PLCXD3: variants seen among roughly 807,000 people sequenced by gnomAD.
PLCXD3 encodes PI-PLC X domain-containing protein 3.
A neutral mutation model predicts 25.5 loss-of-function variants in PLCXD3; 19 were observed. That is an observed-to-expected ratio of 0.75 (90% CI 0.52 to 1.09). PLCXD3 has a LOEUF of 1.09. PLCXD3 is among the 50% of genes least tolerant of loss of function. The pLI, the probability that PLCXD3 is intolerant of heterozygous loss-of-function variation, is 0.00. For missense variants in PLCXD3, 411 were observed against 388.1 expected (o/e 1.06, Z -0.50); for synonymous variants, 174 against 137.6 (o/e 1.26, Z -1.85).
At chr5:41,457,597 G>A (rs1156969446) in intron 1 of PLCXD3, among the ~76,000 whole-genome samples, 5 of 151,920 alleles carry the variant, frequency 3.3e-5, no homozygotes, top group Non-Finnish European at 5.9e-5. Context: ...CTGTACTTAA[G>A]CTGTCTATAT....
chr5:41,459,356 G>A (rs940099188), intron 1 of PLCXD3, among the ~76,000 whole-genome samples: 16 of 151,794 alleles, frequency 1.1e-4, no homozygotes, highest in African/African-American at 3.4e-4. Context: ...TGGCAGAGTG[G>A]CCTGCTTAAA....
chr5:41,487,449 T>C (rs1748544310), intron 1 of PLCXD3, among the ~76,000 whole-genome samples: 1 of 152,208 alleles, frequency 6.6e-6, no homozygotes, highest in Non-Finnish European at 1.5e-5. Flanking sequence ...GCAACAAATA[T>C]TAATTGGACA....
intron 1 of PLCXD3, among the ~76,000 whole-genome samples, chr5:41,492,340 C>G (rs1211111232): frequency 1.9e-4 from 28 of 144,428 alleles, no homozygotes; most frequent in Non-Finnish European, 2.8e-4. Context: ...GTGGGTAACC[C>G]GACCTTTCTC....
intron 1 of PLCXD3, among the ~76,000 whole-genome samples, chr5:41,488,366 G>T (rs1316580529): frequency 3.0e-5 from 4 of 132,106 alleles, no homozygotes; most frequent in African/African-American, 1.2e-4. Context: ...CTTTGCTATT[G>T]TGAATAGTGC....
chr5:41,385,681 T>C (rs1451106985), intron 1 of PLCXD3, among the ~76,000 whole-genome samples: 1 of 152,094 alleles, frequency 6.6e-6, no homozygotes, highest in East Asian at 1.9e-4. Context: ...ATGAATTACA[T>C]AGGACAAACA....
intron 1 of PLCXD3, among the ~76,000 whole-genome samples, chr5:41,444,761 G>A (rs1323851078): frequency 6.6e-6 from 1 of 152,084 alleles, no homozygotes; most frequent in African/African-American, 2.4e-5. Context: ...TGCAAGCAGA[G>A]ACACAAGAAA....
rs1743138010 is a variant in PLCXD3, at chr5:41,311,624, C to G, written c.*1993G>C. On this transcript the variant is annotated 3_prime_UTR_variant, in exon 3 of 3. Coordinates refer to ENST00000377801, the MANE Select transcript of PLCXD3 (RefSeq NM_001005473.3). ...TATGGCAAGATGTATACACACAACC[C>G]AAATGTATACACACATTTTTGTGTG... 1 of 152,062 alleles carries G rather than the reference C, an allele frequency of 6.6e-6. No homozygotes were observed. The highest frequency in any genetic ancestry group is 1.5e-5 in the Non-Finnish European group (1 of 67,984). 9.4% of individuals were successfully genotyped at this position (152,062 alleles called of 1,614,324 possible).
intron 1 of PLCXD3, among the ~76,000 whole-genome samples, chr5:41,417,128 T>A (rs1037184811): frequency 6.6e-6 from 1 of 152,132 alleles, no homozygotes; most frequent in Non-Finnish European, 1.5e-5. Flanking sequence ...GATAATCAAG[T>A]GAAACACTGA....
At position 41,382,381 on chromosome 5, in the gene PLCXD3, C is replaced by G; in HGVS notation, c.257G>C (p.Gly86Ala). The G allele has an allele frequency of 2.5e-6, 4 of 1,613,446 alleles. No individual in the cohort carries two copies. Among genetic ancestry groups the G allele is most frequent in the Non-Finnish European group, 3.4e-6 (4 of 1,179,692 alleles). Reference protein sequence around the residue: ...WLATQTMNFTGQLGAGIRYFD... With the variant: ...WLATQTMNFTAQLGAGIRYFD... ...ATAACGAATTCCAGCTCCTAGCTGG[C>G]CAGTAAAATTCATTGTCTGAGTGGC... Residue 86 changes from glycine (G) to alanine (A), a missense_variant, in exon 2 of 3, where the codon GGC becomes GCC. Gly to Ala is a moderately conservative substitution (Grantham distance 60). Transcript: ENST00000377801.
rs1745501294 is a variant in PLCXD3 at position 41,382,494 on chromosome 5, A to G, written c.144T>C (p.Ser48=). 1 of 1,608,062 alleles carries G rather than the reference A, an allele frequency of 6.2e-7. No homozygotes were observed. Residue 48 remains serine, a synonymous_variant, in exon 2 of 3, where the codon TCT becomes TCC. Transcript: ENST00000377801. The part of the protein sequence containing the change: ...DSFSFYIDEA[S]PVGPEQPETV... The stretch of plus-strand genomic sequence containing the variant: ...TTTCTGGCTGCTCAGGACCTACTGG[A>G]GAGGCTTCATCAATGTAGAAGCTGA...
intron 1 of PLCXD3, among the ~76,000 whole-genome samples, chr5:41,507,127 G>A (rs1047070945): frequency 6.6e-6 from 1 of 152,152 alleles, no homozygotes; most frequent in African/African-American, 2.4e-5. Context: ...GAGCCACCAT[G>A]ATTACAGAGT....
At chr5:41,352,604 C>T (rs747513482) in intron 2 of PLCXD3, among the ~76,000 whole-genome samples, 1 of 152,322 alleles carries the variant, frequency 6.6e-6, no homozygotes, top group African/African-American at 2.4e-5. Context: ...CAATCCATTA[C>T]ATAAACCACC....
At chr5:41,509,306 A>AT (rs1274722012) in intron 1 of PLCXD3, among the ~76,000 whole-genome samples, 5 of 152,118 alleles carry the variant, frequency 3.3e-5, no homozygotes, top group African/African-American at 1.2e-4. Flanking sequence ...TTCATGAGTA[A>AT]TTTGCCCTCC....
chr5:41,456,499 T>A (rs570672683), intron 1 of PLCXD3: 1 of 791,102 alleles, frequency 1.3e-6, no homozygotes, highest in East Asian at 1.3e-4. Context: ...AAAATATACA[T>A]TTATGTTGAA....
At chr5:41,389,712 G>A (rs769123618) in intron 1 of PLCXD3, among the ~76,000 whole-genome samples, 1 of 152,100 alleles carries the variant, frequency 6.6e-6, no homozygotes, top group Non-Finnish European at 1.5e-5. Flanking sequence ...ACCATGGTCA[G>A]TATAATTTTT....
At chr5:41,330,851 A>T (rs1580304231) in intron 2 of PLCXD3, among the ~76,000 whole-genome samples, 2 of 152,208 alleles carry the variant, frequency 1.3e-5, no homozygotes, top group Admixed American at 6.5e-5. Flanking sequence ...AAACCACATG[A>T]TTATCTCAAT....
At chr5:41,457,106 C>G (rs1253260272) in intron 1 of PLCXD3, among the ~76,000 whole-genome samples, 1 of 151,690 alleles carries the variant, frequency 6.6e-6, no homozygotes, top group Non-Finnish European at 1.5e-5. Flanking sequence ...GTTTTTGCTA[C>G]TTTATAAGTC....
At chr5:41,396,492 T>C (rs1310298306) in intron 1 of PLCXD3, among the ~76,000 whole-genome samples, 1 of 152,202 alleles carries the variant, frequency 6.6e-6, no homozygotes, top group Non-Finnish European at 1.5e-5. Flanking sequence ...CAGTCTCAGG[T>C]AGTTTTTTAT....
At chr5:41,339,140 G>A (rs1744064874) in intron 2 of PLCXD3, among the ~76,000 whole-genome samples, 1 of 152,070 alleles carries the variant, frequency 6.6e-6, no homozygotes, top group Non-Finnish European at 1.5e-5. Context: ...ACAGTAGTTT[G>A]CTAGCATATA....
Sources: allele counts gnomAD v4.1 joint callset (sites outside exome capture counted in the v4.1 genomes callset), GRCh38; gene constraint gnomAD v4.1.1; transcripts MANE v1.5; gene names NCBI Gene and HGNC (gene_info 2026-07-23, HGNC 2026-07-21).